Variants in DAP3 observed in about 807,000 individuals in gnomAD.
DAP3 encodes small ribosomal subunit protein mS29.
Under a neutral mutation model 51.9 loss-of-function variants are expected in DAP3, and 28 were observed. The observed-to-expected ratio is 0.54, with a 90% confidence interval of 0.40 to 0.74. The LOEUF (loss-of-function observed/expected upper bound fraction) is 0.74. Among genes scored for constraint, DAP3 ranks in the 30% least tolerant of loss-of-function variants. The pLI is 0.00. For missense variants in DAP3, 458 were observed against 483.5 expected (o/e 0.95, Z 0.49); for synonymous variants, 170 against 170.3 (o/e 1.00, Z 0.01).
intron 2 of DAP3, 96 bp downstream of exon 2, chr1:155,709,920 T>A: frequency 8.4e-7 from 1 of 1,184,412 alleles, no homozygotes; most frequent in Non-Finnish European, 1.2e-6. Context: ...AGTGAAATGC[T>A]CTGGAAAACT....
chr1:155,735,143 C>T (rs928485151), intron 11 of DAP3, among the ~76,000 whole-genome samples: 3 of 149,166 alleles, frequency 2.0e-5, no homozygotes, highest in African/African-American at 4.9e-5. Flanking sequence ...ATTAGCCGGG[C>T]GTGGTGGGGC....
chr1:155,722,980 T>G (rs1247161324), intron 4 of DAP3, among the ~76,000 whole-genome samples: 1 of 152,164 alleles, frequency 6.6e-6, no homozygotes, highest in Non-Finnish European at 1.5e-5. Flanking sequence ...TGTAAGAACT[T>G]ACAGGTTCTT....
chr1:155,717,224 G>A (rs1257389552), intron 3 of DAP3, 96 bp downstream of exon 3: 1 of 1,556,058 alleles, frequency 6.4e-7, no homozygotes, highest in Admixed American at 1.9e-5. Context: ...AAGAAGCTTA[G>A]TAGATTTGCA....
chr1:155,737,215 A>G (rs755667987), intron 12 of DAP3, 152 bp downstream of exon 12: 3 of 677,156 alleles, frequency 4.4e-6, no homozygotes, highest in Admixed American at 4.8e-5. Flanking sequence ...ATGGTACAGA[A>G]AAGCGGGTGG....
rs765674509 is a variant in DAP3, at chr1:155,727,748, C to T, written c.603+10C>T. ...GCGCTTCCTGAACCAGGTGACTAGA[C>T]TCCCAGAAGTTGAGTGCTAGGTAGT... On this transcript the variant is annotated intron_variant, in intron 7 of 12. Coordinates refer to ENST00000368336, the MANE Select transcript of DAP3 (RefSeq NM_004632.4). 1.9e-6 allele frequency: 3 copies of T among 1,613,174 alleles called. No individual in the cohort carries two copies. The highest frequency in any genetic ancestry group is 2.5e-6 in the Non-Finnish European group (3 of 1,179,504).
In DAP3 at chr1:155,717,063, C is replaced by T. The variant is rs1365737302; in HGVS notation, c.103C>T (p.His35Tyr). 4 of 1,614,066 alleles carry T rather than the reference C, an allele frequency of 2.5e-6. No homozygotes were observed. In the South Asian group the frequency reaches 3.3e-5, roughly 13 times the overall value. ...GTQARQSIAA[H>Y]LDNQVPVESP... ...CCAGGCTCGCCAAAGCATTGCTGCT[C>T]ACCTAGATAACCAGGTTCCAGTTGA... Residue 35 changes from histidine to tyrosine, a missense_variant, in exon 3 of 13, where the codon CAC becomes TAC. By Grantham distance (83) the His-to-Tyr change is moderately conservative (BLOSUM62 2). Coordinates refer to ENST00000368336, the MANE Select transcript of DAP3 (RefSeq NM_004632.4).
chr1:155,692,129 A>G (rs1653905430), intron 1 of DAP3, among the ~76,000 whole-genome samples: 1 of 141,864 alleles, frequency 7.0e-6, no homozygotes, highest in South Asian at 2.1e-4. Context: ...ATCTTTAGTT[A>G]GCTGGTGGGA....
At chr1:155,697,290 G>A (rs928906846) in intron 1 of DAP3, among the ~76,000 whole-genome samples, 4 of 152,084 alleles carry the variant, frequency 2.6e-5, no homozygotes, top group East Asian at 3.9e-4. Flanking sequence ...TGGCCATTCC[G>A]GACATTTCTC....
intron 11 of DAP3, 198 bp from the exon 12 acceptor site, chr1:155,736,748 C>A (rs1179505506): frequency 5.2e-6 from 3 of 572,044 alleles, no homozygotes; most frequent in Non-Finnish European, 9.3e-6. Context: ...TTTGTGGCCA[C>A]GTAGAGCACG....
chr1:155,736,813 T>C (rs1395815105), intron 11 of DAP3, 133 bp from the exon 12 acceptor site: 1 of 782,464 alleles, frequency 1.3e-6, no homozygotes, highest in African/African-American at 1.7e-5. Context: ...TCAGGCAATG[T>C]TGCCAGAGAA....
Position 155,729,059 on chromosome 1 carries a change from G to T in DAP3, c.621G>T (p.Lys207Asn), listed in dbSNP as rs371263118. Residue 207 changes from lysine to asparagine, a missense_variant, in exon 8 of 13, where the codon AAG (lysine) becomes AAT (asparagine). Lys to Asn is a moderately conservative substitution (Grantham distance 94). Transcript: ENST00000368336. ...GCTTTTAGATAAAAGTTCAAGAGAA[G>T]TATGTCTGGAATAAGAGAGAAAGCA... ...RFLNQIKVQE[K>N]YVWNKRESTE... 6 of 1,613,696 alleles carry T rather than the reference G, an allele frequency of 3.7e-6. No homozygotes were observed. The African/African-American group carries it at 4.0e-5, about 11-fold the overall frequency.
At chr1:155,736,440 A>G (rs751406039) in intron 11 of DAP3, among the ~76,000 whole-genome samples, 12 of 152,018 alleles carry the variant, frequency 7.9e-5, no homozygotes, top group Non-Finnish European at 1.6e-4. Flanking sequence ...GTGTGTAGAC[A>G]TGGTCTTACT....
At chr1:155,735,041 G>A (rs1171091053) in intron 11 of DAP3, among the ~76,000 whole-genome samples, 5 of 149,764 alleles carry the variant, frequency 3.3e-5, no homozygotes, top group African/African-American at 9.8e-5. Flanking sequence ...GAGGCGGGCA[G>A]ATCACGAGGT....
chr1:155,731,979 T>C lies in DAP3; in HGVS notation c.939T>C (p.Thr313=). The change falls in exon 11 of 13, where the codon ACT becomes ACC. Residue 313 remains threonine, a synonymous_variant. Coordinates refer to ENST00000368336, the MANE Select transcript of DAP3 (RefSeq NM_004632.4). ...GGAIVSALSQ[T]GSLFKPRKAY... ...CCATTGTGTCGGCTTTGAGCCAGAC[T>C]GGGTCTCTCTTTAAGCCCCGGAAAG... The C allele has an allele frequency of 3.7e-6, 6 of 1,612,478 alleles. No homozygotes were observed. Among genetic ancestry groups the C allele is most frequent in the Non-Finnish European group, 5.1e-6 (6 of 1,179,234 alleles).
intron 1 of DAP3, among the ~76,000 whole-genome samples, chr1:155,697,022 T>C (rs913463569): frequency 6.6e-6 from 1 of 152,230 alleles, no homozygotes; most frequent in African/African-American, 2.4e-5. Flanking sequence ...CCATACTTTT[T>C]TTAAAATTAC....
chr1:155,731,861 GAA>G, intron 10 of DAP3, 81 bp from the exon 11 acceptor site: 2 of 1,331,322 alleles, frequency 1.5e-6, no homozygotes, highest in South Asian at 1.5e-5. Context: ...GCCCAAGAAA[GAA>G]AAAAAAAATC....
intron 1 of DAP3, among the ~76,000 whole-genome samples, chr1:155,708,778 C>T (rs1340962931): frequency 6.7e-6 from 1 of 149,656 alleles, no homozygotes; most frequent in African/African-American, 2.5e-5. Context: ...GATCTCAGCT[C>T]ACTGTAAGCT....
At chr1:155,700,604 C>T (rs1383961398) in intron 1 of DAP3, among the ~76,000 whole-genome samples, 48 of 133,406 alleles carry the variant, frequency 3.6e-4, no homozygotes, top group Middle Eastern at 5.3e-3. Context: ...CCGCCCCGTC[C>T]GGGAGGTGAG....
intron 11 of DAP3, among the ~76,000 whole-genome samples, chr1:155,734,344 C>CT (rs372867843): frequency 4.7e-4 from 68 of 145,262 alleles, no homozygotes; most frequent in South Asian, 1.3e-3. Flanking sequence ...CTTTTCTTTC[C>CT]TTTTTTTTTT....
Sources: allele counts gnomAD v4.1 joint callset (sites outside exome capture counted in the v4.1 genomes callset), GRCh38; gene constraint gnomAD v4.1.1; transcripts MANE v1.5; gene names NCBI Gene and HGNC (gene_info 2026-07-23, HGNC 2026-07-21).